REV3L: variants seen among roughly 807,000 people sequenced by gnomAD.
REV3L encodes the protein REV3 like, DNA directed polymerase zeta catalytic subunit, also known as DNA polymerase zeta catalytic subunit.
A neutral mutation model predicts 299.4 loss-of-function variants in REV3L; 69 were observed. The observed-to-expected ratio is 0.23, with a 90% CI of 0.19 to 0.28. The LOEUF is 0.28. Ranked by LOEUF, REV3L falls within the 10% of genes least tolerant of loss-of-function variation. The pLI, the probability that REV3L is intolerant of heterozygous loss-of-function variation, is 1.00. For synonymous variants in REV3L, 1,238 were observed against 1,271.4 expected (o/e 0.97, Z 0.56); for missense variants, 3,128 against 3,693.8 (o/e 0.85, Z 3.97).
intron 6 of REV3L, 48 bp from the exon 7 acceptor site, chr6:111,389,258 G>T: frequency 2.2e-6 from 3 of 1,361,754 alleles, no homozygotes; most frequent in Non-Finnish European, 3.1e-6. Flanking sequence ...AGTAAGAAAT[G>T]CCTAAAAAAT....
intron 4 of REV3L, among the ~76,000 whole-genome samples, chr6:111,398,797 C>G (rs1562252832): frequency 6.6e-6 from 1 of 152,044 alleles, no homozygotes; most frequent in Admixed American, 6.5e-5. Flanking sequence ...TCAGTATAAT[C>G]TTTTATCTCA....
chr6:111,437,269 A>C (rs1358800315), intron 1 of REV3L, among the ~76,000 whole-genome samples: 1 of 152,176 alleles, frequency 6.6e-6, no homozygotes, highest in Non-Finnish European at 1.5e-5. Flanking sequence ...ATACATGTCC[A>C]CACAAATACC....
At chr6:111,395,290 T>C (rs1782376844) in intron 4 of REV3L, among the ~76,000 whole-genome samples, 1 of 152,230 alleles carries the variant, frequency 6.6e-6, no homozygotes, top group Non-Finnish European at 1.5e-5. Flanking sequence ...CTTTAGATTT[T>C]ATTGGAAAAT....
rs558436535 is a variant in REV3L at position 111,349,544 on chromosome 6, C to A, written c.7301-208G>T. Among the ~76,000 whole-genome samples, 8 of 152,126 alleles carry A rather than the reference C, an allele frequency of 5.3e-5. No individual in the cohort carries two copies. The South Asian group carries it at 1.7e-3, about 32-fold the overall frequency. Reference sequence around the variant, plus strand: ...ATATTTAAATAAGAAACACTTTTTTCTTTAGATTTGGTAATTTTTGGCACT... The same window carrying A: ...ATATTTAAATAAGAAACACTTTTTTATTTAGATTTGGTAATTTTTGGCACT... On this transcript the variant is annotated intron_variant, in intron 19 of 31. Transcript: ENST00000368802.
At position 111,446,679 on chromosome 6, in the gene REV3L, C is replaced by T. The variant is rs577628956; in HGVS notation, c.140-30207G>A. ...CCACGCCACTGCACTCCAGCATGAG[C>T]GACGGAGTGAGACTCTGTCTCAAAA... On this transcript the variant is annotated intron_variant, in intron 1 of 31. Transcript: ENST00000368802. 7.3e-4 allele frequency among the ~76,000 whole-genome samples: 110 copies of T among 150,894 alleles called. 1 individual carries two copies. The highest frequency in any genetic ancestry group is 4.5e-3 in the South Asian group (21 of 4,704).
chr6:111,305,260 T>C (rs1185858734), intron 31 of REV3L, among the ~76,000 whole-genome samples: 1 of 152,204 alleles, frequency 6.6e-6, no homozygotes, highest in Non-Finnish European at 1.5e-5. Context: ...TCTTTTTTTA[T>C]GGCTGTGGCA....
Position 111,367,373 on chromosome 6 carries a change from A to C in REV3L, c.6415T>G (p.Leu2139Val). 1 of 1,608,590 alleles carries C rather than the reference A, an allele frequency of 6.2e-7. No individual in the cohort carries two copies. Among genetic ancestry groups the C allele is most frequent in the South Asian group, 1.1e-5 (1 of 89,980 alleles). The change falls in exon 14 of 32, where the codon TTA (leucine) becomes GTA (valine). Residue 2139 changes from leucine (L) to valine (V), a missense_variant. Physicochemically the swap from Leu to Val is conservative, Grantham distance 32 (BLOSUM62 1). This residue lies in a region of REV3L where 2,409 missense variants were observed against 2,611.8 expected (regional missense o/e 0.92). Coordinates refer to ENST00000368802, the MANE Select transcript of REV3L (RefSeq NM_001372078.1). ...QQPISPDSKALNGDDRPSSPV... is the reference protein window; with the variant it reads ...QQPISPDSKAVNGDDRPSSPV... ...GATGAGGGTCTATCATCTCCATTTA[A>C]TGCTTTGGAATCTGGGGATATTGGT...
intron 16 of REV3L, among the ~76,000 whole-genome samples, chr6:111,360,470 C>G (rs431299): frequency 7.7e-6 from 1 of 129,538 alleles, no homozygotes; most frequent in Admixed American, 8.1e-5. Context: ...GTTAAATAAT[C>G]TTTTTTTTTT....
intron 4 of REV3L, among the ~76,000 whole-genome samples, chr6:111,398,751 A>G (rs1782785368): frequency 6.6e-6 from 1 of 152,160 alleles, no homozygotes; most frequent in South Asian, 2.1e-4. Flanking sequence ...GATAAAATAA[A>G]ATAAAAAAAA....
intron 4 of REV3L, among the ~76,000 whole-genome samples, chr6:111,400,132 C>A (rs1168995164): frequency 6.6e-6 from 1 of 152,110 alleles, no homozygotes; most frequent in Non-Finnish European, 1.5e-5. Flanking sequence ...CAAAGTTTAT[C>A]CATTCCCCTG....
chr6:111,411,340 T>C (rs906718924), intron 3 of REV3L, 140 bp downstream of exon 3: 1 of 605,392 alleles, frequency 1.7e-6, no homozygotes, highest in African/African-American at 1.9e-5. Context: ...CTGGTCTCTC[T>C]CTATACACGT....
intron 1 of REV3L, among the ~76,000 whole-genome samples, chr6:111,447,399 C>T (rs1360940518): frequency 6.6e-6 from 1 of 152,144 alleles, no homozygotes; most frequent in African/African-American, 2.4e-5. Flanking sequence ...AACCTGTGGT[C>T]TTTATGAGCA....
chr6:111,383,035 T>TG (rs960699450), intron 9 of REV3L, among the ~76,000 whole-genome samples: 1 of 152,200 alleles, frequency 6.6e-6, no homozygotes, highest in African/African-American at 2.4e-5. Context: ...GACTCAGACC[T>TG]GGCAGGGTTC....
chr6:111,468,354 C>T (rs769343127), intron 1 of REV3L, among the ~76,000 whole-genome samples: 10 of 151,996 alleles, frequency 6.6e-5, no homozygotes, highest in African/African-American at 9.7e-5. Flanking sequence ...TAAGAACTAA[C>T]GGAGGAAAAC....
At chr6:111,425,761 A>G (rs1387631081) in intron 1 of REV3L, among the ~76,000 whole-genome samples, 2 of 152,164 alleles carry the variant, frequency 1.3e-5, no homozygotes, top group African/African-American at 4.8e-5. Flanking sequence ...AGCTATTTCA[A>G]AAAACTAAAA....
At chr6:111,476,965 T>G (rs1324009197) in intron 1 of REV3L, among the ~76,000 whole-genome samples, 1 of 152,218 alleles carries the variant, frequency 6.6e-6, no homozygotes, top group Non-Finnish European at 1.5e-5. Flanking sequence ...ACATGTTATC[T>G]GTAAAAAATC....
chr6:111,435,270 C>T (rs1047319872), intron 1 of REV3L, among the ~76,000 whole-genome samples: 29 of 152,150 alleles, frequency 1.9e-4, no homozygotes, highest in African/African-American at 5.3e-4. Flanking sequence ...GAATCCCTAT[C>T]AACGTATAAA....
chr6:111,373,413 C>T lies in REV3L; in HGVS notation c.4942G>A (p.Asp1648Asn). The change falls in exon 13 of 32, where the codon GAT becomes AAT. Residue 1648 changes from aspartate (D) to asparagine (N), a missense_variant. Around this residue, in one of 9 missense-constraint regions of REV3L, gnomAD observed 2,409 missense variants for 2,611.8 expected, o/e 0.92. Coordinates refer to ENST00000368802, the MANE Select transcript of REV3L (RefSeq NM_001372078.1). ...CCAGTCTGACCTATTGTGTTAATAT[C>T]AAAATTATAATTATGTTCAGGAGAT... is the stretch of plus-strand genomic sequence containing the variant. ...SLSPEHNYNF[D>N]INTIGQTGFC... is the part of the protein sequence containing the mutation. The T allele has an allele frequency of 6.2e-7, 1 of 1,613,260 alleles. No individual in the cohort carries two copies. The highest frequency in any genetic ancestry group is 1.7e-5 in the Admixed American group (1 of 59,934).
At chr6:111,469,419 T>C (rs1791907719) in intron 1 of REV3L, among the ~76,000 whole-genome samples, 1 of 152,178 alleles carries the variant, frequency 6.6e-6, no homozygotes, top group Admixed American at 6.5e-5. Context: ...AAAGGAGCAA[T>C]GCCACGCTAG....
Sources: gnomAD v4.1 joint callset for allele counts (sites outside exome capture counted in the v4.1 genomes callset) on GRCh38, gnomAD v4.1.1 for gene constraint, gnomAD v4.1.1 regional missense constraint, MANE v1.5 for transcripts, NCBI Gene and HGNC (gene_info 2026-07-23, HGNC 2026-07-21) for gene names.